PTCSC3: variants seen among roughly 807,000 people sequenced by gnomAD.
PTCSC3 encodes the protein papillary thyroid carcinoma susceptibility candidate 3 (non-protein coding).
chr14:36,167,265 G>A (rs530209722), intron 1 of PTCSC3, among the ~76,000 whole-genome samples: 6 of 152,168 alleles, frequency 3.9e-5, no homozygotes, highest in South Asian at 2.1e-4. Flanking sequence ...AAATGACTGG[G>A]AATGCAGGAA....
At chr14:36,147,750 GTTTC>G in intron 3 of PTCSC3, among the ~76,000 whole-genome samples, 2 of 152,042 alleles carry the variant, frequency 1.3e-5, no homozygotes, top group East Asian at 3.9e-4. Flanking sequence ...GCTTTTTAGA[GTTTC>G]CAGTTTTTCT....
chr14:36,147,675 C>A (rs895846484), intron 3 of PTCSC3, among the ~76,000 whole-genome samples: 1 of 151,914 alleles, frequency 6.6e-6, no homozygotes, highest in Admixed American at 6.6e-5. Context: ...CAAAGTCATT[C>A]TCCGTCCAGC....
At chr14:36,157,184 A>T (rs1415848359) in intron 2 of PTCSC3, among the ~76,000 whole-genome samples, 1 of 152,086 alleles carries the variant, frequency 6.6e-6, no homozygotes, top group Non-Finnish European at 1.5e-5. Context: ...ACTCTTTTTC[A>T]TGTTTTTCGG....
At chr14:36,145,920 C>G (rs1360436982) in intron 3 of PTCSC3, among the ~76,000 whole-genome samples, 2 of 151,482 alleles carry the variant, frequency 1.3e-5, no homozygotes, top group Admixed American at 1.3e-4. Flanking sequence ...TTGTTATGTA[C>G]CCAGTAGTCA....
intron 3 of PTCSC3, among the ~76,000 whole-genome samples, chr14:36,139,230 A>T (rs568313316): frequency 6.6e-6 from 1 of 152,256 alleles, no homozygotes; most frequent in East Asian, 1.9e-4. Context: ...AATTGAAGGT[A>T]ATTGTGGAAT....
At chr14:36,170,751 G>T (rs534865722) in intron 1 of PTCSC3, among the ~76,000 whole-genome samples, 13 of 152,082 alleles carry the variant, frequency 8.5e-5, no homozygotes, top group African/African-American at 3.1e-4. Flanking sequence ...TGTCTAGTGT[G>T]GTCTAGGAAA....
At chr14:36,172,946 GT>G (rs143273390) in intron 1 of PTCSC3, among the ~76,000 whole-genome samples, 29 of 146,918 alleles carry the variant, frequency 2.0e-4, no homozygotes, top group Non-Finnish European at 2.7e-4. Context: ...AACTTGCTTT[GT>G]TTTTTTTTTA....
In PTCSC3 at chr14:36,168,360, A is replaced by AATATATATATAT. The variant is rs147400390; in HGVS notation, n.172-5689_172-5678dup. Among the ~76,000 whole-genome samples the AATATATATATAT allele has an allele frequency of 4.7e-3, 539 of 113,756 alleles. 2 individuals are homozygous for AATATATATATAT. The highest frequency in any genetic ancestry group is 0.012 in the African/African-American group (267 of 22,836). 74.6% of individuals were successfully genotyped at this position (113,756 alleles called of 152,430 possible). On this transcript the variant is annotated intron_variant and non_coding_transcript_variant, in intron 1 of 3. Transcript: ENST00000556013. ...TTGGGAGTTTAAACTATTGATTCTG[A>AATATATATATAT]ATATATATATATATATATATATATA...
At chr14:36,165,368 C>T (rs561080448) in intron 1 of PTCSC3, 12 of 152,108 alleles carry the variant, frequency 7.9e-5, no homozygotes, top group Non-Finnish European at 1.8e-4. Flanking sequence ...TATGTTTGTC[C>T]TATGTTCTTT....
intron 3 of PTCSC3, among the ~76,000 whole-genome samples, chr14:36,153,187 CTCT>C (rs1199462755): frequency 6.6e-6 from 1 of 152,200 alleles, no homozygotes; most frequent in Non-Finnish European, 1.5e-5. Context: ...TCTCCCTCGT[CTCT>C]TCTTATAAAG....
intron 3 of PTCSC3, among the ~76,000 whole-genome samples, chr14:36,141,316 A>C (rs1473405223): frequency 6.6e-6 from 1 of 152,162 alleles, no homozygotes; most frequent in African/African-American, 2.4e-5. Context: ...TCTATAGATC[A>C]AGTTGGGGAT....
chr14:36,170,099 G>A (rs1023652817), intron 1 of PTCSC3, among the ~76,000 whole-genome samples: 4 of 152,118 alleles, frequency 2.6e-5, no homozygotes, highest in African/African-American at 9.7e-5. Context: ...GATGCTGGGA[G>A]AGGGTATCAT....
chr14:36,157,078 G>A (rs1881846209), intron 2 of PTCSC3, among the ~76,000 whole-genome samples: 1 of 152,144 alleles, frequency 6.6e-6, no homozygotes, highest in African/African-American at 2.4e-5. Context: ...AGCATCTGTT[G>A]TTTCCTGACT....
intron 2 of PTCSC3, among the ~76,000 whole-genome samples, chr14:36,162,258 G>GAAAAAAAAAAAAAAAAAAAA (rs58223160): frequency 3.8e-5 from 4 of 106,552 alleles, no homozygotes; most frequent in African/African-American, 1.4e-4. Flanking sequence ...CTGGGGTATG[G>GAAAAAAAAAAAAAAAAAAAA]AAAAAAAAAA....
At chr14:36,172,416 A>C (rs1447206593) in intron 1 of PTCSC3, among the ~76,000 whole-genome samples, 1 of 152,096 alleles carries the variant, frequency 6.6e-6, no homozygotes, top group Non-Finnish European at 1.5e-5. Context: ...CTTTTCTTAA[A>C]TTAACAGGAA....
intron 3 of PTCSC3, among the ~76,000 whole-genome samples, chr14:36,151,205 ACTCTT>A: frequency 6.6e-6 from 1 of 150,478 alleles, no homozygotes; most frequent in Non-Finnish European, 1.5e-5. Context: ...ACTTCATTCC[ACTCTT>A]CTCTTGCTTG....
At chr14:36,147,947 C>G (rs532474577) in intron 3 of PTCSC3, among the ~76,000 whole-genome samples, 2,325 of 151,378 alleles carry the variant, frequency 0.015, 62 homozygotes, top group African/African-American at 0.051. Context: ...TGCCCCTGCT[C>G]GGGGGGTGCC....
At chr14:36,163,161 CT>C (rs970982147) in intron 1 of PTCSC3, among the ~76,000 whole-genome samples, 1 of 151,740 alleles carries the variant, frequency 6.6e-6, no homozygotes, top group African/African-American at 2.4e-5. Context: ...TTACTTGAGC[CT>C]AGGGGTCTGA....
chr14:36,166,671 TC>T (rs1882092874), intron 1 of PTCSC3, among the ~76,000 whole-genome samples: 1 of 152,188 alleles, frequency 6.6e-6, no homozygotes, highest in Non-Finnish European at 1.5e-5. Context: ...TGTACCTTTA[TC>T]TTTGGTTTTA....
Sources: allele counts gnomAD v4.1 joint callset (sites outside exome capture counted in the v4.1 genomes callset), GRCh38; gene constraint gnomAD v4.1.1; transcripts MANE v1.5; gene names NCBI Gene and HGNC (gene_info 2026-07-23, HGNC 2026-07-21).